Variants in HHIPL2 observed in about 807,000 individuals in gnomAD.
HHIPL2 encodes HHIP-like protein 2.
A neutral mutation model predicts 61.0 loss-of-function variants in HHIPL2; 61 were observed. The ratio of observed to expected loss-of-function variants is 1.00; its 90% CI spans 0.81 to 1.24. The LOEUF is 1.24. Among genes scored for constraint, HHIPL2 ranks in the 50% most tolerant of loss-of-function variants. HHIPL2 has a pLI of 0.00. For synonymous variants in HHIPL2, 343 were observed against 357.4 expected (o/e 0.96, Z 0.45); for missense variants, 885 against 910.2 (o/e 0.97, Z 0.36).
chr1:222,528,228 C>G (rs140563515), intron 6 of HHIPL2, among the ~76,000 whole-genome samples: 2 of 152,224 alleles, frequency 1.3e-5, no homozygotes, highest in African/African-American at 4.8e-5. Context: ...GACCTCTTCA[C>G]CTGCACAGCC....
chr1:222,541,220 CT>C (rs1346875364), intron 3 of HHIPL2, among the ~76,000 whole-genome samples: 1 of 152,082 alleles, frequency 6.6e-6, no homozygotes, highest in Non-Finnish European at 1.5e-5. Flanking sequence ...TATTATTAAC[CT>C]CAATATTTTT....
chr1:222,527,378 C>T (rs1200831528), intron 6 of HHIPL2, among the ~76,000 whole-genome samples: 2 of 152,208 alleles, frequency 1.3e-5, no homozygotes, highest in Non-Finnish European at 2.9e-5. Context: ...ATCTCCATTT[C>T]CTTCCCCACC....
intron 4 of HHIPL2, among the ~76,000 whole-genome samples, chr1:222,539,543 A>G (rs1383168693): frequency 2.6e-5 from 4 of 151,122 alleles, no homozygotes; most frequent in East Asian, 1.9e-4. Context: ...AAAAAAAAAA[A>G]AAAAAAGAAA....
Position 222,522,758 on chromosome 1 carries a change from G to C in HHIPL2, c.2018C>G (p.Thr673Arg). 6.2e-7 allele frequency: 1 copy of C among 1,614,160 alleles called. No individual in the cohort carries two copies. The highest frequency in any genetic ancestry group is 2.2e-5 in the East Asian group (1 of 44,860). Residue 673 changes from threonine (T) to arginine (R), a missense_variant, in exon 9 of 9, where the codon ACA becomes AGA. Transcript: ENST00000343410. ...KGSSKKLASP[T>R]SSKNTLRGPG... ...CCCTCGCAATGTATTCTTGCTGCTT[G>C]TAGGAGAAGCCAGCTTCTTGGAGGA... is the stretch of plus-strand genomic sequence containing the variant.
chr1:222,544,970 G>T lies in HHIPL2; in HGVS notation c.322-781C>A, dbSNP rs533247247. 2.9e-3 allele frequency among the ~76,000 whole-genome samples: 440 copies of T among 152,258 alleles called. 2 individuals are homozygous for T. The highest frequency in any genetic ancestry group is 9.9e-3 in the African/African-American group (413 of 41,528). On this transcript the variant is annotated intron_variant, in intron 1 of 8. Transcript: ENST00000343410. ...GCTGGAACCTATACACATTTGAATT[G>T]TGGCTATAGGGCAATATGCCTGCTC... is the stretch of plus-strand genomic sequence containing the variant.
chr1:222,539,933 T>G, intron 4 of HHIPL2, 77 bp downstream of exon 4: 4 of 1,216,560 alleles, frequency 3.3e-6, no homozygotes, highest in South Asian at 1.4e-5. Flanking sequence ...GGGCAGGACA[T>G]TCAGGTTTTA....
At position 222,526,995 on chromosome 1, in the gene HHIPL2, A is replaced by G; in HGVS notation, c.1779T>C (p.Ser593=). Residue 593 remains serine (S), a synonymous_variant, in exon 7 of 9, where the codon TCT becomes TCC. Transcript: ENST00000343410. ...SYPSAYAPRG[S]IYKFVDPSRR... is the part of the protein sequence containing the mutation. ...TTGAGGGGTCAACAAACTTGTAAAT[A>G]GATCCACGTGGTGCATAGGCACTTG... 1 of 1,613,676 alleles carries G rather than the reference A, an allele frequency of 6.2e-7. No homozygotes were observed. The highest frequency in any genetic ancestry group is 8.5e-7 in the Non-Finnish European group (1 of 1,179,822).
chr1:222,547,878 A>G lies in HHIPL2; in HGVS notation c.167T>C (p.Leu56Pro). ...ATAGTCAGAGCAAAACTCAAGGTGC[A>G]GAGGGGGCTGGAAAGGGGGCCCGTA... ...LDYGPPFQPP[L>P]HLEFCSDYES... Residue 56 changes from leucine to proline, a missense_variant, in exon 1 of 9, where the codon CTG (leucine) becomes CCG (proline). By Grantham distance (98) the Leu-to-Pro change is moderately conservative. Transcript: ENST00000343410. 2 of 1,614,122 alleles carry G rather than the reference A, an allele frequency of 1.2e-6. No homozygotes were observed. Among genetic ancestry groups the G allele is most frequent in the Non-Finnish European group, 1.7e-6 (2 of 1,179,984 alleles).
chr1:222,540,399 G>GA, intron 3 of HHIPL2, 58 bp from the exon 4 acceptor site: 2 of 1,443,884 alleles, frequency 1.4e-6, no homozygotes, highest in Non-Finnish European at 1.9e-6. Flanking sequence ...CACAGGACTG[G>GA]AAGAGATCGC....
intron 5 of HHIPL2, among the ~76,000 whole-genome samples, chr1:222,538,241 T>C (rs1327374042): frequency 7.3e-6 from 1 of 137,920 alleles, no homozygotes; most frequent in African/African-American, 3.0e-5. Flanking sequence ...TGTGTGTGTG[T>C]GTGTGTGTAT....
intron 6 of HHIPL2, among the ~76,000 whole-genome samples, chr1:222,530,788 GTTGT>G (rs1287211929): frequency 6.6e-6 from 1 of 151,234 alleles, no homozygotes; most frequent in Non-Finnish European, 1.5e-5. Context: ...TTTGTTTTCT[GTTGT>G]TTAATTATTT....
intron 7 of HHIPL2, among the ~76,000 whole-genome samples, chr1:222,525,869 C>T (rs1254097920): frequency 6.6e-6 from 1 of 151,984 alleles, no homozygotes; most frequent in Non-Finnish European, 1.5e-5. Context: ...TGTGGTGGTG[C>T]ATGCCTGTAA....
intron 6 of HHIPL2, among the ~76,000 whole-genome samples, chr1:222,530,392 G>A (rs1051908394): frequency 4.6e-5 from 7 of 152,124 alleles, no homozygotes; most frequent in Non-Finnish European, 7.4e-5. Context: ...CAGCTTTCAC[G>A]TCACTCACTT....
intron 3 of HHIPL2, among the ~76,000 whole-genome samples, chr1:222,541,738 G>C (rs897667997): frequency 2.0e-5 from 3 of 151,920 alleles, no homozygotes. Context: ...TGATTAGTGT[G>C]GTGAATAATG....
At chr1:222,523,519 A>T (rs1658998655) in intron 8 of HHIPL2, 93 bp downstream of exon 8, 2 of 1,180,390 alleles carry the variant, frequency 1.7e-6, no homozygotes, top group Non-Finnish European at 2.5e-6. Flanking sequence ...GGGGTAACTA[A>T]GACTCCACCA....
At chr1:222,544,269 G>C (rs1300271165) in intron 1 of HHIPL2, 80 bp from the exon 2 acceptor site, 21 of 1,449,308 alleles carry the variant, frequency 1.4e-5, no homozygotes, top group Non-Finnish European at 1.9e-5. Context: ...CAAGCAGAAA[G>C]AAAAAATGGT....
chr1:222,532,866 G>C (rs927900811), intron 5 of HHIPL2, among the ~76,000 whole-genome samples: 1 of 152,040 alleles, frequency 6.6e-6, no homozygotes, highest in Non-Finnish European at 1.5e-5. Context: ...ACTACTAACT[G>C]TTATTATTAT....
intron 1 of HHIPL2, among the ~76,000 whole-genome samples, chr1:222,547,352 C>T (rs370827970): frequency 2.6e-5 from 4 of 152,300 alleles, no homozygotes; most frequent in African/African-American, 9.6e-5. Context: ...TCGGTAAATT[C>T]CACGGGTTTA....
intron 5 of HHIPL2, among the ~76,000 whole-genome samples, chr1:222,533,188 A>G (rs1212786580): frequency 6.6e-6 from 1 of 152,020 alleles, no homozygotes; most frequent in Non-Finnish European, 1.5e-5. Flanking sequence ...AACATGGCAA[A>G]ACCCCATCTC....
Sources: gnomAD v4.1 joint callset for allele counts (sites outside exome capture counted in the v4.1 genomes callset) on GRCh38, gnomAD v4.1.1 for gene constraint, MANE v1.5 for transcripts, NCBI Gene and HGNC (gene_info 2026-07-23, HGNC 2026-07-21) for gene names.